CDK5RAP2: variants seen among roughly 807,000 people sequenced by gnomAD.
The protein encoded by CDK5RAP2 is CDK5 regulatory subunit associated protein 2.
A neutral mutation model predicts 232.9 loss-of-function variants in CDK5RAP2; 147 were observed. The ratio of observed to expected loss-of-function variants is 0.63; its 90% CI spans 0.55 to 0.72. The LOEUF (loss-of-function observed/expected upper bound fraction) is 0.72, where lower values mean the gene tolerates loss of function less well. Ranked by LOEUF, CDK5RAP2 falls within the 30% of genes least tolerant of loss-of-function variation. The probability of loss-of-function intolerance (pLI) is 0.00; values close to 1 mark genes in which losing one functional copy is unlikely to be tolerated. For missense variants in CDK5RAP2, 2,195 were observed against 2,231.5 expected (o/e 0.98, Z 0.33); for synonymous variants, 833 against 833.7 (o/e 1.00, Z 0.01).
chr9:120,425,550 A>G (rs562978626), intron 25 of CDK5RAP2, among the ~76,000 whole-genome samples: 1 of 152,370 alleles, frequency 6.6e-6, no homozygotes, highest in Middle Eastern at 3.4e-3. Flanking sequence ...TGAACAAGCA[A>G]GAGAAGACTA....
At chr9:120,452,237 A>AGTCT (rs1451837854) in intron 21 of CDK5RAP2, among the ~76,000 whole-genome samples, 2 of 134,760 alleles carry the variant, frequency 1.5e-5, no homozygotes, top group African/African-American at 7.1e-5. Flanking sequence ...ATATAATGGC[A>AGTCT]GTCTCTCTCT....
intron 25 of CDK5RAP2, among the ~76,000 whole-genome samples, chr9:120,426,959 C>A (rs746616325): frequency 6.6e-6 from 1 of 152,140 alleles, no homozygotes; most frequent in Non-Finnish European, 1.5e-5. Flanking sequence ...GTCTGACCGC[C>A]CCCCACTTTC....
At chr9:120,525,101 A>T (rs1325591488) in intron 10 of CDK5RAP2, 23 bp from the exon 11 acceptor site, 1 of 1,575,644 alleles carries the variant, frequency 6.3e-7, no homozygotes, top group Admixed American at 1.7e-5. Flanking sequence ...AATGAATACC[A>T]GCCAAGTATG....
chr9:120,417,343 C>T lies in CDK5RAP2; in HGVS notation c.4178-2184G>A, dbSNP rs145477038. Reference sequence around the variant, plus strand: ...ACCTCCCCACTCCTTAAACTTCTGGCGCCCACGGCACTGCACCTCCACACT... The same window carrying T: ...ACCTCCCCACTCCTTAAACTTCTGGTGCCCACGGCACTGCACCTCCACACT... On this transcript the variant is annotated intron_variant, in intron 27 of 37. Coordinates refer to ENST00000349780, the MANE Select transcript of CDK5RAP2 (RefSeq NM_018249.6). Among the ~76,000 whole-genome samples, 14 of 152,236 alleles carry T rather than the reference C, an allele frequency of 9.2e-5. No individual in the cohort carries two copies. In the East Asian group the frequency reaches 1.4e-3, roughly 15 times the overall value.
At chr9:120,547,179 G>A (rs1021722995) in intron 4 of CDK5RAP2, among the ~76,000 whole-genome samples, 3 of 151,748 alleles carry the variant, frequency 2.0e-5, no homozygotes, top group Non-Finnish European at 2.9e-5. Context: ...TAGTTGAGAC[G>A]GGGTTTCGCC....
intron 17 of CDK5RAP2, 118 bp downstream of exon 17, chr9:120,469,993 G>T (rs2037601774): frequency 1.5e-6 from 1 of 646,448 alleles, no homozygotes. Context: ...ACAAGGCAGA[G>T]GGGACAGGAA....
chr9:120,548,707 G>A (rs2041942335), intron 4 of CDK5RAP2, among the ~76,000 whole-genome samples: 1 of 152,162 alleles, frequency 6.6e-6, no homozygotes, highest in African/African-American at 2.4e-5. Flanking sequence ...AACTACTCAG[G>A]AGACTGAGGT....
chr9:120,430,028 T>G (rs1468085757), intron 25 of CDK5RAP2, among the ~76,000 whole-genome samples: 4 of 152,204 alleles, frequency 2.6e-5, no homozygotes, highest in Non-Finnish European at 5.9e-5. Flanking sequence ...CCCTATTTAA[T>G]AAATGGTGTT....
At chr9:120,532,156 C>T (rs1486423037) in intron 7 of CDK5RAP2, among the ~76,000 whole-genome samples, 2 of 152,102 alleles carry the variant, frequency 1.3e-5, no homozygotes, top group Non-Finnish European at 2.9e-5. Context: ...ATACCCAGGG[C>T]TGCCAATCTC....
chr9:120,408,310 A>C (rs1162974745), intron 31 of CDK5RAP2, 37 bp downstream of exon 31: 1 of 1,612,774 alleles, frequency 6.2e-7, no homozygotes, highest in Non-Finnish European at 8.5e-7. Context: ...TTACAGCCCA[A>C]AGCACAGTAG....
intron 25 of CDK5RAP2, 47 bp downstream of exon 25, chr9:120,437,248 G>C (rs1399724468): frequency 2.2e-6 from 3 of 1,372,544 alleles, no homozygotes; most frequent in Non-Finnish European, 3.1e-6. Context: ...AAGAAGTCCT[G>C]GGTCAATTAC....
intron 21 of CDK5RAP2, among the ~76,000 whole-genome samples, chr9:120,449,239 C>T (rs1169770181): frequency 3.3e-5 from 5 of 152,158 alleles, no homozygotes; most frequent in African/African-American, 7.2e-5. Context: ...CCTACTTCCC[C>T]GACTAACTCT....
intron 27 of CDK5RAP2, among the ~76,000 whole-genome samples, chr9:120,419,224 T>C (rs1039115646): frequency 6.6e-6 from 1 of 152,190 alleles, no homozygotes; most frequent in African/African-American, 2.4e-5. Flanking sequence ...CCTTTAGAAC[T>C]GTAAGAAATA....
intron 25 of CDK5RAP2, among the ~76,000 whole-genome samples, chr9:120,426,625 A>C (rs1162632259): frequency 6.6e-6 from 1 of 152,170 alleles, no homozygotes; most frequent in Non-Finnish European, 1.5e-5. Context: ...CAGATCGTTA[A>C]AAGGTGCTGG....
At chr9:120,532,825 T>C (rs1257789256) in intron 7 of CDK5RAP2, among the ~76,000 whole-genome samples, 1 of 152,170 alleles carries the variant, frequency 6.6e-6, no homozygotes, top group Non-Finnish European at 1.5e-5. Flanking sequence ...AGATGCCGCC[T>C]TTAGCAAAGC....
intron 6 of CDK5RAP2, 104 bp from the exon 7 acceptor site, chr9:120,536,630 C>A: frequency 9.3e-7 from 1 of 1,079,172 alleles, no homozygotes; most frequent in Non-Finnish European, 1.4e-6. Context: ...TCTTCTCCAG[C>A]ACATTTCCCC....
chr9:120,389,299 A>G lies in CDK5RAP2; in HGVS notation c.5626-7T>C. The G allele has an allele frequency of 6.2e-7, 1 of 1,610,424 alleles. No individual in the cohort carries two copies. Among genetic ancestry groups the G allele is most frequent in the African/African-American group, 1.3e-5 (1 of 74,998 alleles). On this transcript the variant is annotated splice_polypyrimidine_tract_variant and splice_region_variant and intron_variant, in intron 37 of 37. Coordinates refer to ENST00000349780, the MANE Select transcript of CDK5RAP2 (RefSeq NM_018249.6). ...GGGCTCCCCCAGGCCTAAGCTAGGA[A>G]AAGGAAGAAAAAAAAGGAGAATTTT...
intron 20 of CDK5RAP2, among the ~76,000 whole-genome samples, chr9:120,457,022 T>A (rs971584521): frequency 6.6e-6 from 1 of 152,180 alleles, no homozygotes; most frequent in African/African-American, 2.4e-5. Flanking sequence ...ATCTGTGCCA[T>A]GAAGAAGGTA....
chr9:120,544,790 C>T (rs1017717047), intron 5 of CDK5RAP2, among the ~76,000 whole-genome samples: 1 of 152,228 alleles, frequency 6.6e-6, no homozygotes, highest in Non-Finnish European at 1.5e-5. Context: ...CCACAACACC[C>T]TCCATCACTG....
Sources: allele counts gnomAD v4.1 joint callset (sites outside exome capture counted in the v4.1 genomes callset), GRCh38; gene constraint gnomAD v4.1.1; transcripts MANE v1.5; gene names NCBI Gene and HGNC (gene_info 2026-07-23, HGNC 2026-07-21).